Variants in ENOX1 observed in about 807,000 individuals in gnomAD.
The protein encoded by ENOX1 is ecto-NOX disulfide-thiol exchanger 1, also known as candidate growth-related and time keeping constitutive hydroquinone (NADH) oxidase.
ENOX1 carries 42 observed loss-of-function variants against 82.5 expected under a neutral mutation model. The observed-to-expected ratio is 0.51, with a 90% CI of 0.40 to 0.66. The LOEUF (loss-of-function observed/expected upper bound fraction) is 0.66, where lower values mean the gene tolerates loss of function less well. ENOX1 is among the 30% of genes least tolerant of loss of function. ENOX1 has a pLI of 0.00. For synonymous variants in ENOX1, 271 were observed against 282.2 expected, an observed-to-expected ratio of 0.96 and a Z score of 0.40; for missense variants, 608 against 811.6, an observed-to-expected ratio of 0.75 and a Z score of 3.05.
intron 2 of ENOX1, among the ~76,000 whole-genome samples, chr13:43,629,701 C>G (rs1274947823): frequency 6.6e-6 from 1 of 152,244 alleles, no homozygotes. Context: ...AGAGTTAACA[C>G]TGGTTTACAC....
intron 11 of ENOX1, among the ~76,000 whole-genome samples, chr13:43,320,536 G>A (rs902390776): frequency 2.6e-5 from 4 of 152,162 alleles, no homozygotes; most frequent in African/African-American, 7.2e-5. Context: ...TGTACGTGCC[G>A]CAAGACCTCA....
At chr13:43,713,122 AG>A (rs1455481214) in intron 1 of ENOX1, among the ~76,000 whole-genome samples, 2 of 152,104 alleles carry the variant, frequency 1.3e-5, no homozygotes, top group African/African-American at 2.4e-5. Context: ...TTTAGCATGA[AG>A]GGTTGTTGAA....
At chr13:43,551,523 A>G (rs1389923147) in intron 2 of ENOX1, among the ~76,000 whole-genome samples, 1 of 152,210 alleles carries the variant, frequency 6.6e-6, no homozygotes, top group African/African-American at 2.4e-5. Context: ...TTTTAAGATA[A>G]AAACATTTTT....
chr13:43,467,292 G>A (rs1286434851), intron 3 of ENOX1, among the ~76,000 whole-genome samples: 1 of 152,120 alleles, frequency 6.6e-6, no homozygotes, highest in Non-Finnish European at 1.5e-5. Flanking sequence ...GTCAATTTTA[G>A]ACAATTACTA....
intron 14 of ENOX1, among the ~76,000 whole-genome samples, chr13:43,260,503 T>C (rs1426544817): frequency 6.6e-6 from 1 of 152,116 alleles, no homozygotes; most frequent in African/African-American, 2.4e-5. Context: ...GATCAAATTG[T>C]TTTAAACATT....
intron 8 of ENOX1, among the ~76,000 whole-genome samples, chr13:43,346,642 A>G (rs2153547196): frequency 6.6e-6 from 1 of 152,308 alleles, no homozygotes; most frequent in African/African-American, 2.4e-5. Flanking sequence ...CATTTCATGG[A>G]CCGAAGCAGC....
chr13:43,339,578 C>T (rs2048938155), intron 9 of ENOX1, among the ~76,000 whole-genome samples: 1 of 152,196 alleles, frequency 6.6e-6, no homozygotes, highest in Non-Finnish European at 1.5e-5. Context: ...GCCAATACAC[C>T]TGCTTCCAAA....
intron 3 of ENOX1, among the ~76,000 whole-genome samples, chr13:43,441,908 A>G (rs2056381473): frequency 6.6e-6 from 1 of 152,132 alleles, no homozygotes; most frequent in African/African-American, 2.4e-5. Flanking sequence ...TGGTGTTTGA[A>G]ATAAAATTCT....
At chr13:43,682,610 A>G (rs899815950) in intron 1 of ENOX1, among the ~76,000 whole-genome samples, 4 of 152,178 alleles carry the variant, frequency 2.6e-5, no homozygotes, top group African/African-American at 9.6e-5. Context: ...AGAATTCAAC[A>G]TTACAAAAAA....
At chr13:43,606,827 C>A (rs184338262) in intron 2 of ENOX1, among the ~76,000 whole-genome samples, 5 of 151,840 alleles carry the variant, frequency 3.3e-5, no homozygotes, top group Admixed American at 3.3e-4. Context: ...CCAGCCTGGG[C>A]CACATGGGAA....
At chr13:43,467,092 C>T (rs1276457709) in intron 3 of ENOX1, among the ~76,000 whole-genome samples, 5 of 152,166 alleles carry the variant, frequency 3.3e-5, no homozygotes, top group East Asian at 1.9e-4. Context: ...TGAACACTCA[C>T]ATACAATTTT....
chr13:43,430,735 A>G (rs978863266), intron 3 of ENOX1, among the ~76,000 whole-genome samples: 2 of 152,254 alleles, frequency 1.3e-5, no homozygotes, highest in Non-Finnish European at 1.5e-5. Flanking sequence ...TGCAAAAAAC[A>G]CTACAATTTA....
At chr13:43,352,354 T>C (rs1282511111) in intron 8 of ENOX1, among the ~76,000 whole-genome samples, 1 of 152,206 alleles carries the variant, frequency 6.6e-6, no homozygotes, top group Non-Finnish European at 1.5e-5. Flanking sequence ...GTAAAAACTT[T>C]TAAATGCTCT....
At chr13:43,380,855 T>C (rs2051993218) in intron 5 of ENOX1, among the ~76,000 whole-genome samples, 2 of 151,620 alleles carry the variant, frequency 1.3e-5, no homozygotes, top group Admixed American at 1.3e-4. Flanking sequence ...AACAAGAAAA[T>C]ATAACAATCC....
intron 9 of ENOX1, among the ~76,000 whole-genome samples, chr13:43,332,589 T>C (rs1169922548): frequency 1.3e-5 from 2 of 152,148 alleles, no homozygotes; most frequent in East Asian, 3.8e-4. Context: ...AAGCAAGAAA[T>C]GATCAAATTG....
intron 12 of ENOX1, among the ~76,000 whole-genome samples, chr13:43,292,772 T>C (rs1262904134): frequency 2.0e-5 from 3 of 149,928 alleles, no homozygotes; most frequent in Admixed American, 6.6e-5. Context: ...GTTGCCACTA[T>C]GGCCCCTTCA....
chr13:43,673,175 GTA>G (rs58874702), intron 1 of ENOX1, among the ~76,000 whole-genome samples: 6,990 of 148,410 alleles, frequency 0.047, 491 homozygotes, highest in African/African-American at 0.16. Flanking sequence ...TTGCATGTGT[GTA>G]TATATATATA....
intron 1 of ENOX1, among the ~76,000 whole-genome samples, chr13:43,708,083 A>G (rs983361202): frequency 2.0e-5 from 3 of 152,208 alleles, no homozygotes; most frequent in African/African-American, 7.2e-5. Flanking sequence ...GAAGCTGATG[A>G]TCAGCGGCTT....
intron 16 of ENOX1, 56 bp downstream of exon 16, chr13:43,223,997 A>G (rs1351762485): frequency 8.3e-6 from 11 of 1,327,564 alleles, no homozygotes; most frequent in Non-Finnish European, 9.7e-6. Context: ...ACCTGCAGGC[A>G]GCAATCAACA....
Sources: gnomAD v4.1 joint callset for allele counts (sites outside exome capture counted in the v4.1 genomes callset) on GRCh38, gnomAD v4.1.1 for gene constraint, MANE v1.5 for transcripts, NCBI Gene and HGNC (gene_info 2026-07-23, HGNC 2026-07-21) for gene names.